The following TPMT variants were observed in gnomAD, a reference collection of about 807,000 sequenced individuals.
The protein encoded by TPMT is thiopurine S-methyltransferase, also known as S-adenosyl-L-methionine:thiopurine S-methyltransferase.
TPMT carries 18 observed loss-of-function variants against 34.2 expected under a neutral mutation model. The ratio of observed to expected loss-of-function variants is 0.53; its 90% confidence interval spans 0.36 to 0.78. TPMT has a LOEUF of 0.78. Among genes scored for constraint, TPMT ranks in the 30% least tolerant of loss-of-function variants. The pLI is 0.00. For missense variants in TPMT, 265 were observed against 288.1 expected (o/e 0.92, Z 0.58); for synonymous variants, 69 against 92.4 (o/e 0.75, Z 1.45).
intron 6 of TPMT, among the ~76,000 whole-genome samples, chr6:18,137,670 C>G (rs2051814637): frequency 7.7e-6 from 1 of 129,936 alleles, no homozygotes; most frequent in African/African-American, 3.0e-5. Context: ...AATAACAGCT[C>G]TCATTTATAC....
rs1784223466 is a variant in TPMT at position 18,145,063 on chromosome 6, C to T, written c.234-1335G>A. Reference sequence around the variant, plus strand: ...ATCTTGGACTCAAGAGAAAACAGTACCAGTGGTACAAATATCTAGGCACAG... The same window carrying T: ...ATCTTGGACTCAAGAGAAAACAGTATCAGTGGTACAAATATCTAGGCACAG... On this transcript the variant is annotated intron_variant, in intron 3 of 8. Transcript: ENST00000309983. The surrounding 1 kb of genome is among the most constrained non-coding windows in gnomAD (Gnocchi z 5.6). Among the ~76,000 whole-genome samples the T allele has an allele frequency of 6.6e-6, 1 of 152,186 alleles. No homozygotes were observed. Among genetic ancestry groups the T allele is most frequent in the East Asian group, 1.9e-4 (1 of 5,168 alleles).
Position 18,144,528 on chromosome 6 carries a change from G to A in TPMT, c.234-800C>T, listed in dbSNP as rs561618092. Among the ~76,000 whole-genome samples, 283 of 150,236 alleles carry A rather than the reference G, an allele frequency of 1.9e-3. 1 individual carries two copies. The highest frequency in any genetic ancestry group is 3.1e-3 in the Non-Finnish European group (209 of 67,550). ...TGAGTAGCTGGGATTACAGGTGCCT[G>A]TCACCATGCCTGGCTAATTTTTGTA... is the stretch of plus-strand genomic sequence containing the variant. On this transcript the variant is annotated intron_variant, in intron 3 of 8. Transcript: ENST00000309983.
Position 18,149,111 on chromosome 6 carries a change from G to A in TPMT, c.17C>T (p.Thr6Ile). The A allele has an allele frequency of 1.2e-6, 2 of 1,614,088 alleles. No individual in the cohort carries two copies. Among genetic ancestry groups the A allele is most frequent in the East Asian group, 2.2e-5 (1 of 44,870 alleles). The change falls in exon 2 of 9, where the codon ACT becomes ATT. Residue 6 changes from threonine to isoleucine, a missense_variant. By Grantham distance (89) the Thr-to-Ile change is moderately conservative (BLOSUM62 -1). Transcript: ENST00000309983. This position sits in a 1 kb window ranked among gnomAD's most constrained non-coding sequence, Gnocchi z 5.0. Reference protein sequence around the residue: MDGTRTSLDIEEYSDT... With the variant: MDGTRISLDIEEYSDT... ...CGAGTACTCTTCAATGTCAAGTGAA[G>A]TTCTTGTACCATCCATAGTTTCAGA...
chr6:18,133,987 G>T, intron 6 of TPMT, 98 bp from the exon 7 acceptor site: 1 of 883,530 alleles, frequency 1.1e-6, no homozygotes, highest in Non-Finnish European at 1.9e-6. Flanking sequence ...TACTTTCGCT[G>T]ATACTACTGA....
At position 18,143,827 on chromosome 6, in the gene TPMT, T is replaced by G; in HGVS notation, c.234-99A>C. 6.9e-7 allele frequency: 1 copy of G among 1,441,086 alleles called. No individual in the cohort carries two copies. Among genetic ancestry groups the G allele is most frequent in the Non-Finnish European group, 9.5e-7 (1 of 1,053,522 alleles). 89.3% of individuals were successfully genotyped at this position (1,441,086 alleles called of 1,614,324 possible). On this transcript the variant is annotated intron_variant, in intron 3 of 8. Transcript: ENST00000309983. This position sits in a 1 kb window ranked among gnomAD's most constrained non-coding sequence, Gnocchi z 6.1. ...ATATATTTTCTTTAATTTAGAGGAATTTATATGAATTCAGGTTCATAGGGT... is the reference window on the plus strand; with the variant it reads ...ATATATTTTCTTTAATTTAGAGGAAGTTATATGAATTCAGGTTCATAGGGT...
Position 18,139,760 on chromosome 6 carries a change from G to C in TPMT, c.367-43C>G. The C allele has an allele frequency of 7.1e-7, 1 of 1,401,734 alleles. No individual in the cohort carries two copies. The highest frequency in any genetic ancestry group is 1.0e-6 in the Non-Finnish European group (1 of 1,000,860). The allele number at this position is 1,401,734 out of a possible 1,614,324, so 86.8% of individuals were successfully genotyped here. On this transcript the variant is annotated intron_variant, in intron 4 of 8. Transcript: ENST00000309983. This position sits in a 1 kb window ranked among gnomAD's most constrained non-coding sequence, Gnocchi z 4.2. ...AAAAAAAATTTTTTTTTTTTACTTA[G>C]TAAGTACTTGAATAGTCAAGGAAAG...
Position 18,141,208 on chromosome 6 carries a change from G to A in TPMT, c.367-1491C>T, listed in dbSNP as rs546508430. 5.3e-5 allele frequency among the ~76,000 whole-genome samples: 8 copies of A among 152,282 alleles called. No individual in the cohort carries two copies. In the South Asian group the frequency reaches 1.7e-3, roughly 32 times the overall value. On this transcript the variant is annotated intron_variant, in intron 4 of 8. Transcript: ENST00000309983. ...TGGGCGGGGAACTGCTGCTCCAAGA[G>A]GGGCCTGGAAGCAGGACTAGCCCTT...
chr6:18,143,774 CTAAA>C lies in TPMT; in HGVS notation c.234-50_234-47del, dbSNP rs1309176394. On this transcript the variant is annotated intron_variant, in intron 3 of 8. Coordinates refer to ENST00000309983, the MANE Select transcript of TPMT (RefSeq NM_000367.5). The surrounding 1 kb of genome is among the most constrained non-coding windows in gnomAD (Gnocchi z 6.1). The stretch of plus-strand genomic sequence containing the variant: ...ACACTTAAATTATGTTTTCAAATGA[CTAAA>C]TAGAGGGTTATATTAGAGTAAGCAT... The C allele has an allele frequency of 3.1e-6, 5 of 1,608,786 alleles. No homozygotes were observed. Among genetic ancestry groups the C allele is most frequent in the Non-Finnish European group, 3.4e-6 (4 of 1,176,890 alleles).
Position 18,139,139 on chromosome 6 carries a change from G to T in TPMT, c.420-102C>A. ...ATGCTGGTACTTCAACAATCGTCAAGGTATTAGGATCTCACGTCTGCGTTT... is the reference window on the plus strand; with the variant it reads ...ATGCTGGTACTTCAACAATCGTCAATGTATTAGGATCTCACGTCTGCGTTT... On this transcript the variant is annotated intron_variant, in intron 5 of 8. Transcript: ENST00000309983. The surrounding 1 kb of genome is among the most constrained non-coding windows in gnomAD (Gnocchi z 4.2). 9.5e-7 allele frequency: 1 copy of T among 1,050,186 alleles called. No homozygotes were observed. The allele number at this position is 1,050,186 out of a possible 1,614,324, so 65.1% of individuals were successfully genotyped here.
rs114317443 is a variant in TPMT, at chr6:18,137,539, G to A, written c.494+1424C>T. 4.1e-3 allele frequency among the ~76,000 whole-genome samples: 629 copies of A among 152,230 alleles called. 7 individuals carry two copies. The highest frequency in any genetic ancestry group is 0.015 in the African/African-American group (611 of 41,560). ...AAATGACATTATTTTAATTGAAAGA[G>A]TATACAGATGTGGTCACATTTTACT... On this transcript the variant is annotated intron_variant, in intron 6 of 8. Transcript: ENST00000309983.
intron 7 of TPMT, among the ~76,000 whole-genome samples, chr6:18,133,332 A>T (rs1561886334): frequency 6.6e-6 from 1 of 152,222 alleles, no homozygotes; most frequent in Non-Finnish European, 1.5e-5. Context: ...ATAGATTATA[A>T]AACTTCAGAA....
Position 18,129,657 on chromosome 6 carries a change from A to G in TPMT, c.*1011T>C, listed in dbSNP as rs537035904. ...AGCTCTAAGTACATTATATTTTATA[A>G]GACCTGATGATTTAAACAGATTAAA... On this transcript the variant is annotated 3_prime_UTR_variant, in exon 9 of 9. Transcript: ENST00000309983. The G allele has an allele frequency of 6.6e-6, 1 of 152,372 alleles. No individual in the cohort carries two copies. The highest frequency in any genetic ancestry group is 2.4e-5 in the African/African-American group (1 of 41,590). The allele number at this position is 152,372 out of a possible 1,614,324, so 9.4% of individuals were successfully genotyped here.
chr6:18,147,552 A>G (rs982793019), intron 3 of TPMT, among the ~76,000 whole-genome samples: 1 of 152,220 alleles, frequency 6.6e-6, no homozygotes. Context: ...GATCCAGGAA[A>G]TGTAAAAGGG....
At position 18,154,687 on chromosome 6, in the gene TPMT, C is replaced by A. The variant is rs564887078; in HGVS notation, c.-45+346G>T. On this transcript the variant is annotated intron_variant, in intron 1 of 8. Coordinates refer to ENST00000309983, the MANE Select transcript of TPMT (RefSeq NM_000367.5). This position sits in a 1 kb window ranked among gnomAD's most constrained non-coding sequence, Gnocchi z 4.2. Reference sequence around the variant, plus strand: ...ACCGAGGAGGCTGGGGCGGGAAGATCACTTGAGCCCAGGAGTTCCAGGTTA... The same window carrying A: ...ACCGAGGAGGCTGGGGCGGGAAGATAACTTGAGCCCAGGAGTTCCAGGTTA... Among the ~76,000 whole-genome samples the A allele has an allele frequency of 1.5e-4, 23 of 152,180 alleles. No homozygotes were observed. The South Asian group carries it at 3.9e-3, about 26-fold the overall frequency.
chr6:18,146,646 ATAGAGT>A lies in TPMT; in HGVS notation c.233+1171_233+1176del, dbSNP rs1223119717. On this transcript the variant is annotated intron_variant, in intron 3 of 8. Coordinates refer to ENST00000309983, the MANE Select transcript of TPMT (RefSeq NM_000367.5). This position sits in a 1 kb window ranked among gnomAD's most constrained non-coding sequence, Gnocchi z 6.2. ...GGTGACATCACATGACAATCTGTTT[ATAGAGT>A]TAATTTTTTTTGAGGGTAATTTTGA... Among the ~76,000 whole-genome samples the A allele has an allele frequency of 6.6e-6, 1 of 152,204 alleles. No homozygotes were observed. The highest frequency in any genetic ancestry group is 1.5e-5 in the Non-Finnish European group (1 of 68,034).
rs1784435697 is a variant in TPMT at position 18,154,469 on chromosome 6, C to A, written c.-45+564G>T. 6.6e-6 allele frequency among the ~76,000 whole-genome samples: 1 copy of A among 152,060 alleles called. No homozygotes were observed. The highest frequency in any genetic ancestry group is 6.6e-5 in the Admixed American group (1 of 15,266). On this transcript the variant is annotated intron_variant, in intron 1 of 8. Coordinates refer to ENST00000309983, the MANE Select transcript of TPMT (RefSeq NM_000367.5). The surrounding 1 kb of genome is among the most constrained non-coding windows in gnomAD (Gnocchi z 4.2). ...CATATACATACACCTGTGTAACCACCGCAGAGCAAGACAGAATATTTACAG... is the reference window on the plus strand; with the variant it reads ...CATATACATACACCTGTGTAACCACAGCAGAGCAAGACAGAATATTTACAG...
rs989617326 is a variant in TPMT, at chr6:18,153,834, A to C, written c.-45+1199T>G. The stretch of plus-strand genomic sequence containing the variant: ...AAAAGAGAAGCATAATCTTTATCAG[A>C]GTTCCACAGCAGCCTGGAGTAGCAC... On this transcript the variant is annotated intron_variant, in intron 1 of 8. Coordinates refer to ENST00000309983, the MANE Select transcript of TPMT (RefSeq NM_000367.5). The surrounding 1 kb of genome is among the most constrained non-coding windows in gnomAD (Gnocchi z 4.2). Among the ~76,000 whole-genome samples, 10 of 152,258 alleles carry C rather than the reference A, an allele frequency of 6.6e-5. No individual in the cohort carries two copies. The highest frequency in any genetic ancestry group is 2.4e-4 in the African/African-American group (10 of 41,474).
chr6:18,136,251 C>T lies in TPMT; in HGVS notation c.495-2362G>A, dbSNP rs115214597. Among the ~76,000 whole-genome samples, 585 of 151,672 alleles carry T rather than the reference C, an allele frequency of 3.9e-3. 2 individuals are homozygous for T. Among genetic ancestry groups the T allele is most frequent in the African/African-American group, 0.013 (519 of 41,328 alleles). On this transcript the variant is annotated intron_variant, in intron 6 of 8. Coordinates refer to ENST00000309983, the MANE Select transcript of TPMT (RefSeq NM_000367.5). This position sits in a 1 kb window ranked among gnomAD's most constrained non-coding sequence, Gnocchi z 4.7. ...GGGTTTCATATACAAATGTGTCTCA[C>T]GGAGACAGAGGTCTCGGTGATATTT...
Position 18,138,983 on chromosome 6 carries a change from G to A in TPMT, c.474C>T (p.Ile158=), listed in dbSNP as rs2842934. The A allele has an allele frequency of 0.78, 1,251,750 of 1,611,978 alleles. 487,573 individuals carry two copies. Among genetic ancestry groups the A allele is most frequent in the African/African-American group, 0.81 (60,811 of 74,958 alleles). ...MIWDRGALVA[I]NPGDRKCYAD... is the part of the protein sequence containing the mutation. The stretch of plus-strand genomic sequence containing the variant: ...CTTACCATTTGCGATCACCTGGATT[G>A]ATGGCAACTAATGCTCCTCTATCCC... The change falls in exon 6 of 9, where the codon ATC becomes ATT. Residue 158 remains isoleucine, a synonymous_variant. Transcript: ENST00000309983. This position sits in a 1 kb window ranked among gnomAD's most constrained non-coding sequence, Gnocchi z 4.1.
Sources: gnomAD v4.1 joint callset for allele counts (sites outside exome capture counted in the v4.1 genomes callset) on GRCh38, gnomAD v4.1.1 for gene constraint, Gnocchi (gnomAD v3.1) non-coding constraint, MANE v1.5 for transcripts, NCBI Gene and HGNC (gene_info 2026-07-23, HGNC 2026-07-21) for gene names.